Variants in RRM2 observed in about 807,000 individuals in gnomAD.
RRM2 encodes the protein ribonucleotide reductase regulatory subunit M2.
A neutral mutation model predicts 45.9 loss-of-function variants in RRM2; 6 were observed. The ratio of observed to expected loss-of-function variants is 0.13; its 90% CI spans 0.07 to 0.26. The LOEUF is 0.26. Among genes scored for constraint, RRM2 ranks in the 10% least tolerant of loss-of-function variants. RRM2 has a pLI of 1.00. For synonymous variants in RRM2, 177 were observed against 173.0 expected (o/e 1.02, Z -0.18); for missense variants, 343 against 489.5 (o/e 0.70, Z 2.82).
In RRM2 at chr2:10,124,591, A is replaced by T; in HGVS notation, c.436-126A>T. On this transcript the variant is annotated intron_variant, in intron 4 of 9. Transcript: ENST00000304567. ...ATAAAATATCAAAGAATTGTGACAA[A>T]TTGGATGAAATATATATAGAAATAA... 6 of 1,025,802 alleles carry T rather than the reference A, an allele frequency of 5.8e-6. No individual in the cohort carries two copies. In the South Asian group the frequency reaches 9.2e-5, roughly 16 times the overall value. 63.5% of individuals were successfully genotyped at this position (1,025,802 alleles called of 1,614,324 possible). A position where few individuals can be genotyped will look rare whatever the true frequency, so the allele number is the denominator to read the frequency against.
chr2:10,209,732 C>A (rs17267630), intron 3 of RRM2, among the ~76,000 whole-genome samples: 38,218 of 152,072 alleles, frequency 0.25, 5,553 homozygotes, highest in Admixed American at 0.32. Context: ...TCCGTGGAGA[C>A]CTAAGGGGCT....
rs374826185 is a variant in RRM2 at position 10,148,143 on chromosome 2, CAAAAAAAAAAAAAA to C, written n.482+5785_482+5798del. Among the ~76,000 whole-genome samples, 176 of 119,582 alleles carry C rather than the reference CAAAAAAAAAAAAAA, an allele frequency of 1.5e-3. 5 individuals carry two copies. Among genetic ancestry groups the C allele is most frequent in the African/African-American group, 3.4e-3 (112 of 32,604 alleles). 78.5% of individuals were successfully genotyped at this position (119,582 alleles called of 152,430 possible). ...TGGGCAACAGAGTGAGACCCTGACT[CAAAAAAAAAAAAAA>C]AAAAAAAAAAAAAAAAGAAATCAGA... On this transcript the variant is annotated intron_variant and non_coding_transcript_variant, in intron 3 of 3. Coordinates refer to the RRM2 transcript ENST00000381786.
At chr2:10,163,867 G>A (rs920072251) in intron 3 of RRM2, among the ~76,000 whole-genome samples, 9 of 152,252 alleles carry the variant, frequency 5.9e-5, no homozygotes, top group Admixed American at 2.6e-4. Context: ...GCTGTGTGAC[G>A]TTGGGGATGC....
At position 10,152,721 on chromosome 2, in the gene RRM2, G is replaced by T. The variant is rs149471007; in HGVS notation, n.482+10346G>T. 4.2e-3 allele frequency among the ~76,000 whole-genome samples: 640 copies of T among 151,934 alleles called. 5 individuals are homozygous for T. Among genetic ancestry groups the T allele is most frequent in the African/African-American group, 0.015 (613 of 41,458 alleles). ...TGGTCTCGAACTCTTCACCTCAGGT[G>T]ATTTGCCTGCCTCGGCCTCCCAAAG... On this transcript the variant is annotated intron_variant and non_coding_transcript_variant, in intron 3 of 3. Transcript: ENST00000381786.
intron 3 of RRM2, among the ~76,000 whole-genome samples, chr2:10,203,240 A>G (rs370664968): frequency 6.6e-5 from 10 of 152,172 alleles, no homozygotes; most frequent in African/African-American, 2.4e-4. Context: ...CTCATTCAAC[A>G]TTCCTGTGTT....
rs1339779995 is a variant in RRM2 at position 10,200,520 on chromosome 2, G to C, written n.483-9791G>C. On this transcript the variant is annotated intron_variant and non_coding_transcript_variant, in intron 3 of 3. Coordinates refer to the RRM2 transcript ENST00000381786. ...GCACACAAAATATGAGGCCCACAGG[G>C]ACTGCGCGCACAAATTATGAGTCCC... Among the ~76,000 whole-genome samples, 58 of 9,284 alleles carry C rather than the reference G, an allele frequency of 6.2e-3. 4 individuals carry two copies. The highest frequency in any genetic ancestry group is 0.014 in the African/African-American group (39 of 2,834). 6.1% of individuals were successfully genotyped at this position (9,284 alleles called of 152,430 possible). A position where few individuals can be genotyped will look rare whatever the true frequency, so the allele number is the denominator to read the frequency against.
intron 3 of RRM2, among the ~76,000 whole-genome samples, chr2:10,188,715 G>C (rs1664220610): frequency 6.6e-6 from 1 of 152,070 alleles, no homozygotes; most frequent in Admixed American, 6.5e-5. Flanking sequence ...TTGGGCCGAG[G>C]CATGGGGGGC....
At chr2:10,164,818 G>A (rs539785641) in intron 3 of RRM2, among the ~76,000 whole-genome samples, 1 of 152,316 alleles carries the variant, frequency 6.6e-6, no homozygotes, top group African/African-American at 2.4e-5. Flanking sequence ...CAGTCCATCT[G>A]GGATGTGAGG....
intron 3 of RRM2, 61 bp downstream of exon 3, chr2:10,123,591 C>A: frequency 6.4e-7 from 1 of 1,566,058 alleles, no homozygotes; most frequent in Non-Finnish European, 8.7e-7. Flanking sequence ...GACATAAATG[C>A]ACTTGGAGGT....
At chr2:10,134,267 C>T (rs946266317), downstream of RRM2, among the ~76,000 whole-genome samples, 5 of 151,882 alleles carry the variant, frequency 3.3e-5, no homozygotes, top group African/African-American at 9.7e-5. Context: ...ATGGAGGCCC[C>T]GGAACTTGTA....
intron 3 of RRM2, among the ~76,000 whole-genome samples, chr2:10,159,421 G>C (rs1246309772): frequency 6.6e-6 from 1 of 152,202 alleles, no homozygotes; most frequent in African/African-American, 2.4e-5. Context: ...GTCCACTCCT[G>C]TATCTAATTC....
chr2:10,128,943 G>T lies in RRM2; in HGVS notation c.894G>T (p.Arg298=). 1 of 1,612,054 alleles carries T rather than the reference G, an allele frequency of 6.2e-7. No individual in the cohort carries two copies. Among genetic ancestry groups the T allele is most frequent in the Non-Finnish European group, 8.5e-7 (1 of 1,178,104 alleles). Residue 298 remains arginine, a synonymous_variant, in exon 8 of 10, where the codon CGG becomes CGT. Transcript: ENST00000304567. ...RVREIIINAV[R]IEQEFLTEAL... ...GAGAAATAATTATCAATGCTGTTCGGATAGAACAGGTAAAGTGGGTGATGA... is the reference window on the plus strand; with the variant it reads ...GAGAAATAATTATCAATGCTGTTCGTATAGAACAGGTAAAGTGGGTGATGA...
chr2:10,199,084 T>A (rs923510871), intron 3 of RRM2: 1 of 152,250 alleles, frequency 6.6e-6, no homozygotes, highest in Non-Finnish European at 1.5e-5. Flanking sequence ...CGACGTGCTC[T>A]TTCTGGCTAC....
At chr2:10,175,785 T>A (rs898167703) in intron 3 of RRM2, among the ~76,000 whole-genome samples, 4 of 151,894 alleles carry the variant, frequency 2.6e-5, no homozygotes, top group Admixed American at 6.6e-5. Flanking sequence ...TGATATTTTT[T>A]AATAGAGACA....
At chr2:10,147,622 A>G (rs899315706) in intron 3 of RRM2, among the ~76,000 whole-genome samples, 3 of 152,182 alleles carry the variant, frequency 2.0e-5, no homozygotes, top group African/African-American at 7.2e-5. Flanking sequence ...GCCTTCCAAA[A>G]TGTTGAGACT....
rs1210200098 is a variant in RRM2, at chr2:10,122,968, C to G, written c.100-15C>G. 1.9e-6 allele frequency: 3 copies of G among 1,547,720 alleles called. No homozygotes were observed. The highest frequency in any genetic ancestry group is 2.6e-6 in the Non-Finnish European group (3 of 1,151,366). ...AAAGCGAAGCCGCTCCTCACTCACA[C>G]GCGTCTCCCCGCAGCCGCCGGCCCT... On this transcript the variant is annotated splice_polypyrimidine_tract_variant and intron_variant, in intron 1 of 9. Transcript: ENST00000304567.
Position 10,142,984 on chromosome 2 carries a change from C to T in RRM2, n.482+609C>T, listed in dbSNP as rs565529086. ...TGCCTCCTGGGTTCATGCCGTTCTC[C>T]GGCCTCAGCCTCCCGTGTAGCTGGG... On this transcript the variant is annotated intron_variant and non_coding_transcript_variant, in intron 3 of 3. Transcript: ENST00000381786. Among the ~76,000 whole-genome samples the T allele has an allele frequency of 6.6e-5, 10 of 152,366 alleles. No homozygotes were observed. In the East Asian group the frequency reaches 1.3e-3, roughly 21 times the overall value.
chr2:10,135,629 A>G (rs1303399652), downstream of RRM2, among the ~76,000 whole-genome samples: 1 of 152,196 alleles, frequency 6.6e-6, no homozygotes, highest in Non-Finnish European at 1.5e-5. Context: ...ATAAAAGCAC[A>G]GTAGATGTAA....
chr2:10,207,059 C>T (rs367815586), intron 3 of RRM2, among the ~76,000 whole-genome samples: 36 of 152,252 alleles, frequency 2.4e-4, no homozygotes, highest in South Asian at 1.0e-3. Flanking sequence ...GTCTCAGAGG[C>T]GACTCAAACT....
Sources: gnomAD v4.1 joint callset for allele counts (sites outside exome capture counted in the v4.1 genomes callset) on GRCh38, gnomAD v4.1.1 for gene constraint, MANE v1.5 for transcripts, NCBI Gene and HGNC (gene_info 2026-07-23, HGNC 2026-07-21) for gene names.